Variants in KCTD8 observed in about 807,000 individuals in gnomAD.
KCTD8 encodes the protein potassium channel tetramerization domain containing 8.
KCTD8 carries 27 observed loss-of-function variants against 31.5 expected under a neutral mutation model. The ratio of observed to expected loss-of-function variants is 0.86; its 90% CI spans 0.63 to 1.18. KCTD8 has a LOEUF of 1.18. KCTD8 is among the 50% of genes most tolerant of loss of function. KCTD8 has a pLI of 0.00. For missense variants in KCTD8, 658 were observed against 647.7 expected (o/e 1.02, Z -0.17); for synonymous variants, 290 against 280.0 (o/e 1.04, Z -0.36).
At chr4:44,311,130 A>G (rs1447320303) in intron 1 of KCTD8, among the ~76,000 whole-genome samples, 2 of 151,944 alleles carry the variant, frequency 1.3e-5, no homozygotes, top group Non-Finnish European at 2.9e-5. Context: ...AATCCAACCA[A>G]TCTCTTAGAA....
At chr4:44,319,641 T>A (rs1379149405) in intron 1 of KCTD8, among the ~76,000 whole-genome samples, 1 of 152,086 alleles carries the variant, frequency 6.6e-6, no homozygotes, top group Non-Finnish European at 1.5e-5. Flanking sequence ...TGAAGAATTA[T>A]TATGAACTTC....
intron 1 of KCTD8, among the ~76,000 whole-genome samples, chr4:44,306,498 A>C (rs1304370709): frequency 6.6e-6 from 1 of 152,048 alleles, no homozygotes; most frequent in Admixed American, 6.6e-5. Context: ...CTTGAATTCT[A>C]GTCTCCTTAG....
At chr4:44,181,445 G>T (rs915327319) in intron 1 of KCTD8, among the ~76,000 whole-genome samples, 2 of 152,112 alleles carry the variant, frequency 1.3e-5, no homozygotes, top group African/African-American at 4.8e-5. Flanking sequence ...ACGGGGTTTC[G>T]CTGTGTTGGC....
At chr4:44,435,979 A>C (rs1481688596) in intron 1 of KCTD8, among the ~76,000 whole-genome samples, 2 of 152,112 alleles carry the variant, frequency 1.3e-5, no homozygotes, top group Admixed American at 6.6e-5. Context: ...ATAAATATGG[A>C]AAACACAAAT....
chr4:44,303,216 A>G (rs1003192187), intron 1 of KCTD8, among the ~76,000 whole-genome samples: 12 of 152,196 alleles, frequency 7.9e-5, no homozygotes, highest in East Asian at 5.8e-4. Flanking sequence ...TTTGGAATCA[A>G]GATGATGCTG....
chr4:44,238,978 T>C (rs1353141578), intron 1 of KCTD8, among the ~76,000 whole-genome samples: 1 of 152,142 alleles, frequency 6.6e-6, no homozygotes, highest in Non-Finnish European at 1.5e-5. Context: ...ATAATAGAAG[T>C]TGGTTTCTCT....
At chr4:44,326,323 A>G (rs1041973668) in intron 1 of KCTD8, among the ~76,000 whole-genome samples, 1 of 151,838 alleles carries the variant, frequency 6.6e-6, no homozygotes, top group Non-Finnish European at 1.5e-5. Flanking sequence ...CTATTTTGGT[A>G]GCTGTCTGCA....
At chr4:44,302,047 T>G (rs1717640377) in intron 1 of KCTD8, among the ~76,000 whole-genome samples, 1 of 152,262 alleles carries the variant, frequency 6.6e-6, no homozygotes, top group South Asian at 2.1e-4. Flanking sequence ...GCGTTATTTC[T>G]GAGGGCTCTG....
At chr4:44,305,161 C>T (rs560322860) in intron 1 of KCTD8, among the ~76,000 whole-genome samples, 2 of 151,388 alleles carry the variant, frequency 1.3e-5, no homozygotes, top group South Asian at 4.2e-4. Flanking sequence ...ATTCAGTATG[C>T]ATATTAAAAT....
intron 1 of KCTD8, among the ~76,000 whole-genome samples, chr4:44,239,901 AC>A (rs1715399499): frequency 6.6e-6 from 1 of 152,130 alleles, no homozygotes; most frequent in South Asian, 2.1e-4. Flanking sequence ...TAATCTTAAT[AC>A]CTGTGTTCTC....
intron 1 of KCTD8, among the ~76,000 whole-genome samples, chr4:44,400,598 G>A (rs1224834388): frequency 6.6e-6 from 1 of 151,590 alleles, no homozygotes; most frequent in Non-Finnish European, 1.5e-5. Flanking sequence ...GTGTGGTGGT[G>A]CACACCTGTA....
intron 1 of KCTD8, among the ~76,000 whole-genome samples, chr4:44,309,100 C>T (rs1398271116): frequency 6.6e-6 from 1 of 152,102 alleles, no homozygotes; most frequent in Non-Finnish European, 1.5e-5. Context: ...CAATGGCATG[C>T]TCTTGGCTCA....
At chr4:44,326,664 C>T (rs550424662) in intron 1 of KCTD8, among the ~76,000 whole-genome samples, 9 of 151,934 alleles carry the variant, frequency 5.9e-5, no homozygotes. Flanking sequence ...GTCTGGTTAT[C>T]TCTTTTTCTC....
intron 1 of KCTD8, among the ~76,000 whole-genome samples, chr4:44,349,086 A>G (rs957935703): frequency 4.7e-4 from 58 of 124,496 alleles, no homozygotes; most frequent in African/African-American, 1.8e-3. Context: ...CACCACCACC[A>G]CCACCACCAC....
At chr4:44,402,815 T>C (rs977643623) in intron 1 of KCTD8, among the ~76,000 whole-genome samples, 2 of 152,218 alleles carry the variant, frequency 1.3e-5, no homozygotes, top group Non-Finnish European at 2.9e-5. Context: ...TTATGGAATA[T>C]CTGGAAATAA....
intron 1 of KCTD8, among the ~76,000 whole-genome samples, chr4:44,391,927 A>C (rs999197109): frequency 1.3e-4 from 19 of 151,952 alleles, no homozygotes; most frequent in Non-Finnish European, 2.4e-4. Context: ...GTCTTCTTAA[A>C]TTTGAGCATA....
intron 1 of KCTD8, among the ~76,000 whole-genome samples, chr4:44,288,770 A>G (rs1024621853): frequency 3.9e-5 from 6 of 151,982 alleles, no homozygotes; most frequent in African/African-American, 1.4e-4. Context: ...CCCATTTTCA[A>G]AATTAATTTC....
chr4:44,347,573 C>A (rs2109422537), intron 1 of KCTD8, among the ~76,000 whole-genome samples: 1 of 152,206 alleles, frequency 6.6e-6, no homozygotes, highest in Admixed American at 6.5e-5. Context: ...TATTCTTGAG[C>A]TTTTTCAGCT....
At chr4:44,389,535 A>G (rs746727421) in intron 1 of KCTD8, among the ~76,000 whole-genome samples, 2 of 151,818 alleles carry the variant, frequency 1.3e-5, no homozygotes, top group Non-Finnish European at 2.9e-5. Context: ...TACAAAGAGT[A>G]GTTAAATTCA....
Sources: gnomAD v4.1 joint callset for allele counts (sites outside exome capture counted in the v4.1 genomes callset) on GRCh38, gnomAD v4.1.1 for gene constraint, MANE v1.5 for transcripts, NCBI Gene and HGNC (gene_info 2026-07-23, HGNC 2026-07-21) for gene names.